The following TPO variants were observed in gnomAD, a reference collection of about 807,000 sequenced individuals.
The protein encoded by TPO is thyroid microsomal antigen.
A neutral mutation model predicts 96.9 loss-of-function variants in TPO; 78 were observed. The ratio of observed to expected loss-of-function variants is 0.81; its 90% CI spans 0.67 to 0.97. The LOEUF is 0.97. Ranked by LOEUF, TPO falls within the 50% of genes least tolerant of loss-of-function variation. TPO has a pLI of 0.00. For synonymous variants in TPO, 547 were observed against 538.0 expected (o/e 1.02, Z -0.23); for missense variants, 1,252 against 1,274.8 (o/e 0.98, Z 0.27).
At chr2:1,498,012 A>AAC (rs1672525116) in intron 13 of TPO, among the ~76,000 whole-genome samples, 1 of 150,788 alleles carries the variant, frequency 6.6e-6, no homozygotes, top group Non-Finnish European at 1.5e-5. Flanking sequence ...AAAAAAAAAA[A>AAC]GTGGCTGGGA....
At chr2:1,496,249 A>C (rs1240076799) in intron 12 of TPO, 52 bp downstream of exon 12, 7 of 1,585,752 alleles carry the variant, frequency 4.4e-6, no homozygotes, top group Non-Finnish European at 6.0e-6. Context: ...ATCTCATCAA[A>C]CAAAGCTTAT....
At chr2:1,472,669 C>A (rs1669533014) in intron 7 of TPO, among the ~76,000 whole-genome samples, 1 of 152,040 alleles carries the variant, frequency 6.6e-6, no homozygotes. Flanking sequence ...AGTGACACTG[C>A]CAGGTTGGAA....
At chr2:1,419,149 A>G (rs1663248097) in intron 2 of TPO, among the ~76,000 whole-genome samples, 2 of 152,180 alleles carry the variant, frequency 1.3e-5, no homozygotes, top group South Asian at 4.1e-4. Flanking sequence ...GAACCGTGCC[A>G]TGCGCCCCTC....
chr2:1,478,807 C>T (rs1380215250), intron 8 of TPO, among the ~76,000 whole-genome samples: 1 of 151,452 alleles, frequency 6.6e-6, no homozygotes, highest in Non-Finnish European at 1.5e-5. Context: ...CACACATCCA[C>T]ACAGGAAACA....
chr2:1,477,713 TCATGGGCGCCCA>T, intron 8 of TPO, 109 bp downstream of exon 8: 1 of 1,382,638 alleles, frequency 7.2e-7, no homozygotes, highest in Non-Finnish European at 9.4e-7. Context: ...TGCACAGCCA[TCATGGGCGCCCA>T]CATGGGTGAG....
chr2:1,509,205 T>G (rs1488565711), intron 14 of TPO, among the ~76,000 whole-genome samples: 1 of 152,220 alleles, frequency 6.6e-6, no homozygotes, highest in Non-Finnish European at 1.5e-5. Flanking sequence ...TTTGAGTGAG[T>G]TTCTGAATCC....
Position 1,540,665 on chromosome 2 carries a change from G to A in TPO, c.2690G>A (p.Gly897Glu). ...TGGGTPELRC[G>E]KHQAVGTSPQ... ...GGAGGAACTCCCGAGCTGAGATGCGGAAAGCACCAGGCCGTAGGGACCTCA... is the reference window on the plus strand; with the variant it reads ...GGAGGAACTCCCGAGCTGAGATGCGAAAAGCACCAGGCCGTAGGGACCTCA... Residue 897 changes from glycine (G) to glutamate (E), a missense_variant, in exon 16 of 17, where the codon GGA (glycine) becomes GAA (glutamate). By Grantham distance (98) the Gly-to-Glu change is moderately conservative (BLOSUM62 -2). Coordinates refer to ENST00000329066, the MANE Select transcript of TPO (RefSeq NM_001206744.2). 1 of 1,613,518 alleles carries A rather than the reference G, an allele frequency of 6.2e-7. No individual in the cohort carries two copies. The highest frequency in any genetic ancestry group is 8.5e-7 in the Non-Finnish European group (1 of 1,180,042).
intron 1 of TPO, among the ~76,000 whole-genome samples, chr2:1,396,165 G>T (rs1405213822): frequency 6.6e-6 from 1 of 152,198 alleles, no homozygotes; most frequent in Non-Finnish European, 1.5e-5. Context: ...AGACACCAAG[G>T]CTGGGGAGGA....
At chr2:1,506,463 C>T (rs904195007) in intron 14 of TPO, among the ~76,000 whole-genome samples, 2 of 152,136 alleles carry the variant, frequency 1.3e-5, no homozygotes, top group East Asian at 1.9e-4. Context: ...CGCCACACTG[C>T]CTTCCACAAT....
At position 1,515,158 on chromosome 2, in the gene TPO, G is replaced by C. The variant is rs372043008; in HGVS notation, c.2519-1725G>C. On this transcript the variant is annotated intron_variant, in intron 14 of 16. Transcript: ENST00000329066. Reference sequence around the variant, plus strand: ...TACCTGGAATTCCCACCCAGGCCTCGATCAGCTCAGCCTTCCCCGCACCCC... The same window carrying C: ...TACCTGGAATTCCCACCCAGGCCTCCATCAGCTCAGCCTTCCCCGCACCCC... Among the ~76,000 whole-genome samples the C allele has an allele frequency of 1.3e-5, 2 of 152,274 alleles. 1 individual carries two copies. Among genetic ancestry groups the C allele is most frequent in the East Asian group, 3.9e-4 (2 of 5,172 alleles).
intron 2 of TPO, 91 bp from the exon 3 acceptor site, chr2:1,422,954 G>T: frequency 7.0e-7 from 1 of 1,436,578 alleles, no homozygotes. Flanking sequence ...GGGCATCACC[G>T]CAGCAAGATG....
At chr2:1,395,821 G>A (rs1399990997) in intron 1 of TPO, among the ~76,000 whole-genome samples, 1 of 152,076 alleles carries the variant, frequency 6.6e-6, no homozygotes, top group Non-Finnish European at 1.5e-5. Context: ...TTTTATAAAG[G>A]GCAGTTCCCC....
At chr2:1,526,898 C>T (rs1470569986) in intron 15 of TPO, among the ~76,000 whole-genome samples, 33 of 145,868 alleles carry the variant, frequency 2.3e-4, no homozygotes, top group Admixed American at 4.1e-4. Flanking sequence ...CAAAATCCCC[C>T]GGTGTGTGCA....
At chr2:1,478,468 T>A in intron 8 of TPO, 5 of 928,440 alleles carry the variant, frequency 5.4e-6, no homozygotes, top group Non-Finnish European at 6.4e-6. Flanking sequence ...GCACAGGGGC[T>A]GTGTGTGGCA....
intron 10 of TPO, among the ~76,000 whole-genome samples, chr2:1,490,414 C>A (rs1446830094): frequency 4.8e-5 from 5 of 104,592 alleles, no homozygotes; most frequent in Non-Finnish European, 8.0e-5. Flanking sequence ...TAAGAGCCGC[C>A]ACGAGGGTCC....
At chr2:1,490,942 C>T (rs945098973) in intron 10 of TPO, among the ~76,000 whole-genome samples, 3 of 152,122 alleles carry the variant, frequency 2.0e-5, no homozygotes, top group Admixed American at 6.5e-5. Context: ...GAGGCCGAGG[C>T]GGGCAGATCA....
chr2:1,462,556 G>A (rs940777774), intron 7 of TPO, among the ~76,000 whole-genome samples: 3 of 140,660 alleles, frequency 2.1e-5, no homozygotes, highest in Admixed American at 1.4e-4. Flanking sequence ...ATCAATGAAA[G>A]ATAAATGAAC....
chr2:1,412,228 C>G (rs1662415714), upstream of TPO, among the ~76,000 whole-genome samples: 1 of 152,218 alleles, frequency 6.6e-6, no homozygotes, highest in African/African-American at 2.4e-5. Context: ...TTCCTAGGGC[C>G]AGTACATGAG....
chr2:1,480,712 CCTCCTTCATCCGTCCAAACCATGTTT>C (rs140531653), intron 8 of TPO, among the ~76,000 whole-genome samples: 25 of 146,522 alleles, frequency 1.7e-4, no homozygotes, highest in African/African-American at 4.7e-4. Context: ...CCACCTCCCT[CCTCCTTCATCCGTCCAAACCATGTTT>C]CTCCTGCTGC....
Sources: allele counts gnomAD v4.1 joint callset (sites outside exome capture counted in the v4.1 genomes callset), GRCh38; gene constraint gnomAD v4.1.1; transcripts MANE v1.5; gene names NCBI Gene and HGNC (gene_info 2026-07-23, HGNC 2026-07-21).